LINC00632: variants seen among roughly 807,000 people sequenced by gnomAD.
The protein encoded by LINC00632 is ALDOA related specific transcript.
chrX:140,716,445 G>A (rs1356185854), intron 2 of LINC00632, among the ~76,000 whole-genome samples: 1 of 110,663 alleles, frequency 9.0e-6, no homozygotes, highest in Non-Finnish European at 1.9e-5. Flanking sequence ...AATTGTTAAT[G>A]TATATTACAA....
chrX:140,726,718 G>A (rs1415830906), intron 2 of LINC00632, among the ~76,000 whole-genome samples: 1 of 111,612 alleles, frequency 9.0e-6, no homozygotes, highest in Non-Finnish European at 1.9e-5. Context: ...CAAGATATAC[G>A]GCTTCTTCCA....
chrX:140,750,337 G>A (rs188111587), intron 3 of LINC00632, among the ~76,000 whole-genome samples: 126 of 110,735 alleles, frequency 1.1e-3, no homozygotes, highest in South Asian at 3.1e-3. Flanking sequence ...GAGATCTATT[G>A]TACAACATGG....
chrX:140,783,712 C>A (rs1196033290), exon 5 of LINC00632: 2 of 1,211,102 alleles, frequency 1.7e-6, no homozygotes, highest in African/African-American at 3.5e-5. Context: ...CCACCAAATC[C>A]AGGTCTTCCA....
exon 5 of LINC00632, among the ~76,000 whole-genome samples, chrX:140,779,930 A>T (rs1303397850): frequency 9.0e-6 from 1 of 110,984 alleles, no homozygotes; most frequent in Non-Finnish European, 1.9e-5. Context: ...AGTGGTGCTT[A>T]GTCCTGGCAG....
At chrX:140,784,453 C>T in exon 5 of LINC00632, 3 of 1,061,085 alleles carry the variant, frequency 2.8e-6, no homozygotes, top group Non-Finnish European at 3.9e-6. Flanking sequence ...TCCTATATCT[C>T]CAGGTCTTCC....
exon 5 of LINC00632, among the ~76,000 whole-genome samples, chrX:140,776,472 C>T (rs762410848): frequency 8.8e-6 from 1 of 113,034 alleles, no homozygotes; most frequent in African/African-American, 3.2e-5. Flanking sequence ...CCGTTGGACC[C>T]GCGCGTCCGG....
intron 2 of LINC00632, among the ~76,000 whole-genome samples, chrX:140,719,172 CAAATT>C (rs971504869): frequency 2.7e-5 from 3 of 112,259 alleles, no homozygotes; most frequent in African/African-American, 9.7e-5. Flanking sequence ...TTTGACAACA[CAAATT>C]AAAATATTTC....
At chrX:140,711,594 T>C (rs761235126) in intron 1 of LINC00632, 1 of 315,588 alleles carries the variant, frequency 3.2e-6, no homozygotes, top group South Asian at 3.1e-5. Context: ...TAAATATCTG[T>C]GTGCTTTTCT....
At chrX:140,784,319 C>T (rs1449670092) in exon 5 of LINC00632, 3 of 1,211,081 alleles carry the variant, frequency 2.5e-6, no homozygotes, top group Non-Finnish European at 3.4e-6. Context: ...GTATGTCTTC[C>T]AACAAAGGTA....
intron 2 of LINC00632, chrX:140,716,044 A>G (rs942412938): frequency 1.8e-5 from 2 of 112,686 alleles, no homozygotes; most frequent in African/African-American, 3.2e-5. Context: ...GACTTACTCT[A>G]CAGTGCAAAA....
intron 3 of LINC00632, among the ~76,000 whole-genome samples, chrX:140,737,570 T>A (rs983045096): frequency 1.8e-5 from 2 of 111,701 alleles, no homozygotes; most frequent in African/African-American, 6.5e-5. Flanking sequence ...TTCCTTCTAT[T>A]TAACTGTGTG....
chrX:140,744,586 AG>A (rs1931295955), intron 3 of LINC00632, among the ~76,000 whole-genome samples: 1 of 32,819 alleles, frequency 3.0e-5, no homozygotes, highest in Admixed American at 4.3e-4. Flanking sequence ...GGGTGGGGGG[AG>A]GAGATGGAGT....
At chrX:140,713,852 T>C (rs1182415368) in intron 2 of LINC00632, 1 of 297,453 alleles carries the variant, frequency 3.4e-6, no homozygotes, top group East Asian at 1.0e-4. Context: ...ATAAGGACTC[T>C]ACTATGACAC....
chrX:140,767,711 C>A (rs1016194214), intron 3 of LINC00632, among the ~76,000 whole-genome samples: 3 of 111,537 alleles, frequency 2.7e-5, no homozygotes, highest in South Asian at 3.7e-4. Context: ...GGATAGCTAG[C>A]TAGATAGATA....
chrX:140,724,333 C>G (rs1253127959), intron 2 of LINC00632, among the ~76,000 whole-genome samples: 2 of 66,791 alleles, frequency 3.0e-5, no homozygotes, highest in Non-Finnish European at 6.0e-5. Context: ...CACACACACA[C>G]TTTCCATACA....
In LINC00632 at chrX:140,783,617, C is replaced by A. The variant is rs755285760; in HGVS notation, n.11636C>A. 5.0e-6 allele frequency: 6 copies of A among 1,207,087 alleles called. No homozygotes were observed. In the Admixed American group the frequency reaches 6.6e-5, roughly 13 times the overall value. On this transcript the variant is annotated non_coding_transcript_exon_variant, in exon 5 of 5. Transcript: ENST00000648200. ...CAATCAGTGTCTTCCAGAAAGAAAT[C>A]CAGGTCTTCCAGTCAATCAGTGTCT...
At chrX:140,739,135 A>G (rs1465504722) in intron 3 of LINC00632, among the ~76,000 whole-genome samples, 3 of 111,768 alleles carry the variant, frequency 2.7e-5, no homozygotes, top group Admixed American at 1.9e-4. Context: ...TGGTGGTTAC[A>G]TGTGAAGCTT....
chrX:140,712,680 G>C (rs185604346), intron 2 of LINC00632, among the ~76,000 whole-genome samples: 13 of 110,652 alleles, frequency 1.2e-4, no homozygotes, highest in African/African-American at 4.3e-4. Context: ...CAGGTGTAAG[G>C]CTCAAGACAT....
At chrX:140,734,793 G>A (rs1337847560) in intron 3 of LINC00632, among the ~76,000 whole-genome samples, 11 of 84,999 alleles carry the variant, frequency 1.3e-4, no homozygotes, top group African/African-American at 4.7e-4. Flanking sequence ...ACAGAGTCTT[G>A]CTCTGTCACC....
Sources: allele counts gnomAD v4.1 joint callset (sites outside exome capture counted in the v4.1 genomes callset), GRCh38; gene constraint gnomAD v4.1.1; transcripts MANE v1.5; gene names NCBI Gene and HGNC (gene_info 2026-07-23, HGNC 2026-07-21).